CADPS: variants seen among roughly 807,000 people sequenced by gnomAD.
CADPS encodes calcium dependent secretion activator, also known as calcium-dependent secretion activator 1.
CADPS carries 57 observed loss-of-function variants against 167.3 expected under a neutral mutation model. The observed-to-expected ratio is 0.34, with a 90% CI of 0.28 to 0.42. The LOEUF (loss-of-function observed/expected upper bound fraction) is 0.42, where lower values mean the gene tolerates loss of function less well. Ranked by LOEUF, CADPS falls within the 20% of genes least tolerant of loss-of-function variation. CADPS has a pLI of 1.00. For synonymous variants in CADPS, 676 were observed against 635.3 expected (o/e 1.06, Z -0.96); for missense variants, 1,414 against 1,738.1 (o/e 0.81, Z 3.32).
chr3:62,787,365 A>C (rs1207322878), intron 1 of CADPS, among the ~76,000 whole-genome samples: 1 of 152,222 alleles, frequency 6.6e-6, no homozygotes, highest in Admixed American at 6.5e-5. Context: ...AGCGTGAAAC[A>C]AAAATTTTCA....
chr3:62,570,275 C>T (rs1239903992), intron 9 of CADPS, among the ~76,000 whole-genome samples: 3 of 150,768 alleles, frequency 2.0e-5, no homozygotes, highest in Admixed American at 6.6e-5. Flanking sequence ...AAAAATTTAT[C>T]CTAGATATTA....
At chr3:62,782,486 G>A (rs766089525) in intron 1 of CADPS, among the ~76,000 whole-genome samples, 1 of 152,158 alleles carries the variant, frequency 6.6e-6, no homozygotes, top group African/African-American at 2.4e-5. Context: ...ATGAGTTCAC[G>A]CCCAACACTT....
intron 3 of CADPS, among the ~76,000 whole-genome samples, chr3:62,663,654 T>A (rs184136565): frequency 4.1e-5 from 6 of 146,708 alleles, no homozygotes; most frequent in African/African-American, 1.3e-4. Context: ...TGCTGTGAAA[T>A]GATATAGCAA....
At chr3:62,685,687 G>C (rs2151137834) in intron 3 of CADPS, among the ~76,000 whole-genome samples, 1 of 120,648 alleles carries the variant, frequency 8.3e-6, no homozygotes, top group East Asian at 3.0e-4. Context: ...TTCATCGGGG[G>C]GGTGGGGGGA....
chr3:62,426,113 AC>A (rs2052603535), intron 28 of CADPS, among the ~76,000 whole-genome samples: 1 of 152,096 alleles, frequency 6.6e-6, no homozygotes, highest in Non-Finnish European at 1.5e-5. Context: ...TGCAAAGCCT[AC>A]CTTAGTATTA....
chr3:62,573,792 T>G (rs1459403420), intron 8 of CADPS, among the ~76,000 whole-genome samples: 6 of 152,188 alleles, frequency 3.9e-5, no homozygotes, highest in Non-Finnish European at 7.3e-5. Context: ...TTATTTGTGG[T>G]TATATTTATT....
chr3:62,853,504 A>T (rs2079027508), intron 1 of CADPS, among the ~76,000 whole-genome samples: 1 of 151,992 alleles, frequency 6.6e-6, no homozygotes, highest in African/African-American at 2.4e-5. Flanking sequence ...AGGTGCCTGT[A>T]ATCCCAGCTA....
At chr3:62,682,895 T>A (rs900443550) in intron 3 of CADPS, among the ~76,000 whole-genome samples, 1 of 152,080 alleles carries the variant, frequency 6.6e-6, no homozygotes, top group Non-Finnish European at 1.5e-5. Flanking sequence ...CTGCAAAGGA[T>A]GAAAACAAGA....
chr3:62,827,874 T>C (rs1469578688), intron 1 of CADPS, among the ~76,000 whole-genome samples: 1 of 152,148 alleles, frequency 6.6e-6, no homozygotes, highest in Non-Finnish European at 1.5e-5. Flanking sequence ...GCATACAGTG[T>C]TTTAGGGCTT....
intron 3 of CADPS, among the ~76,000 whole-genome samples, chr3:62,731,482 T>A (rs1575589725): frequency 6.6e-6 from 1 of 152,102 alleles, no homozygotes; most frequent in East Asian, 1.9e-4. Flanking sequence ...AGTCCACATT[T>A]GTCATTGTGG....
chr3:62,619,950 A>G (rs1285457351), intron 6 of CADPS, among the ~76,000 whole-genome samples: 1 of 152,090 alleles, frequency 6.6e-6, no homozygotes, highest in Non-Finnish European at 1.5e-5. Flanking sequence ...TGAGGTGACG[A>G]TTATGGATTA....
intron 1 of CADPS, among the ~76,000 whole-genome samples, chr3:62,835,426 C>T (rs182779943): frequency 2.0e-5 from 3 of 152,150 alleles, no homozygotes; most frequent in African/African-American, 4.8e-5. Flanking sequence ...TTCTCTTTCA[C>T]GATGTGTCTG....
intron 1 of CADPS, among the ~76,000 whole-genome samples, chr3:62,835,327 T>C (rs1329761716): frequency 6.6e-6 from 1 of 152,176 alleles, no homozygotes; most frequent in Non-Finnish European, 1.5e-5. Flanking sequence ...GTGGGTTAAA[T>C]CTAGAAAATT....
chr3:62,666,224 G>A (rs961505928), intron 3 of CADPS, among the ~76,000 whole-genome samples: 4 of 152,156 alleles, frequency 2.6e-5, no homozygotes, highest in African/African-American at 7.2e-5. Context: ...ACCAGAAGGC[G>A]GCCACTGCTG....
chr3:62,711,487 T>TC (rs2083383139), intron 3 of CADPS, among the ~76,000 whole-genome samples: 1 of 152,232 alleles, frequency 6.6e-6, no homozygotes, highest in Non-Finnish European at 1.5e-5. Flanking sequence ...CATAGACTCC[T>TC]CCAAAATACC....
At chr3:62,845,393 T>C (rs917080007) in intron 1 of CADPS, among the ~76,000 whole-genome samples, 1 of 152,164 alleles carries the variant, frequency 6.6e-6, no homozygotes, top group Non-Finnish European at 1.5e-5. Flanking sequence ...ACAAGTTACT[T>C]TAACTCTGTG....
At chr3:62,827,509 G>A (rs1009405996) in intron 1 of CADPS, among the ~76,000 whole-genome samples, 1 of 152,174 alleles carries the variant, frequency 6.6e-6, no homozygotes, top group African/African-American at 2.4e-5. Context: ...CAGTAAGGAA[G>A]GGGTGAAGTC....
chr3:62,436,814 T>C (rs2055157579), intron 28 of CADPS, among the ~76,000 whole-genome samples: 1 of 151,298 alleles, frequency 6.6e-6, no homozygotes, highest in Non-Finnish European at 1.5e-5. Flanking sequence ...GGAAAGGTGA[T>C]GCAGGGGAAA....
intron 1 of CADPS, among the ~76,000 whole-genome samples, chr3:62,844,768 A>G (rs2153062321): frequency 6.6e-6 from 1 of 152,310 alleles, no homozygotes; most frequent in East Asian, 1.9e-4. Flanking sequence ...AGCAGTCACT[A>G]CTTTTTTAAT....
Sources: gnomAD v4.1 joint callset for allele counts (sites outside exome capture counted in the v4.1 genomes callset) on GRCh38, gnomAD v4.1.1 for gene constraint, MANE v1.5 for transcripts, NCBI Gene and HGNC (gene_info 2026-07-23, HGNC 2026-07-21) for gene names.